Variants in IL20 observed in about 807,000 individuals in gnomAD.
IL20 encodes interleukin 20.
A neutral mutation model predicts 19.2 loss-of-function variants in IL20; 22 were observed. The ratio of observed to expected loss-of-function variants is 1.15; its 90% confidence interval spans 0.82 to 1.64. The LOEUF (loss-of-function observed/expected upper bound fraction) is 1.64. IL20 is among the 40% of genes most tolerant of loss of function. IL20 has a pLI of 0.00. For synonymous variants in IL20, 70 were observed against 76.2 expected, an observed-to-expected ratio of 0.92 and a Z score of 0.43; for missense variants, 215 against 212.8, an observed-to-expected ratio of 1.01 and a Z score of -0.06.
Position 206,865,747 on chromosome 1 carries a change from C to T in IL20, c.-31+61C>T. 2 of 1,467,574 alleles carry T rather than the reference C, an allele frequency of 1.4e-6. No homozygotes were observed. The highest frequency in any genetic ancestry group is 1.8e-6 in the Non-Finnish European group (2 of 1,095,742). 90.9% of individuals were successfully genotyped at this position (1,467,574 alleles called of 1,614,324 possible). On this transcript the variant is annotated intron_variant, in intron 1 of 5. Coordinates refer to ENST00000367098, the MANE Select transcript of IL20 (RefSeq NM_018724.4). This position sits in a 1 kb window ranked among gnomAD's most constrained non-coding sequence, Gnocchi z 4.1. ...AGATAAGGCTGTTCTCTTCCCCTGA[C>T]CCCCCACCCCTCACCCCGTGGACAC...
Position 206,866,008 on chromosome 1 carries a change from T to A in IL20, c.156T>A (p.Ser52Arg). The A allele has an allele frequency of 1.2e-6, 2 of 1,613,992 alleles. No homozygotes were observed. The highest frequency in any genetic ancestry group is 1.7e-6 in the Non-Finnish European group (2 of 1,179,850). ...ATGGATTTTCTGAGATACGGGGCAG[T>A]GTGGTACGTAAGCGGGTATCTACCT... ...IRNGFSEIRG[S>R]VQAKDGNIDI... Residue 52 changes from serine (S) to arginine (R), a missense_variant, in exon 2 of 6, where the codon AGT becomes AGA. Coordinates refer to ENST00000367098, the MANE Select transcript of IL20 (RefSeq NM_018724.4).
chr1:206,867,154 C>A (rs1677575524), intron 4 of IL20, among the ~76,000 whole-genome samples: 1 of 151,850 alleles, frequency 6.6e-6, no homozygotes, highest in Admixed American at 6.6e-5. Context: ...TACTGCCTGC[C>A]TATTTCTAAA....
In IL20 at chr1:206,866,262, TG is replaced by T. The variant is rs1235534960; in HGVS notation, c.160-36del. Reference sequence around the variant, plus strand: ...TATTGAAGACCCTGGCAGCAGGCACTGACTCATCCTTGCTTGTTTTGTCTTC... The same window carrying T: ...TATTGAAGACCCTGGCAGCAGGCACTACTCATCCTTGCTTGTTTTGTCTTC... On this transcript the variant is annotated intron_variant, in intron 2 of 5. Coordinates refer to ENST00000367098, the MANE Select transcript of IL20 (RefSeq NM_018724.4). 3.7e-6 allele frequency: 6 copies of T among 1,602,532 alleles called. No individual in the cohort carries two copies. The African/African-American group carries it at 6.7e-5, about 18-fold the overall frequency.
At chr1:206,866,179 GT>G in intron 2 of IL20, 119 bp from the exon 3 acceptor site, 1 of 1,208,948 alleles carries the variant, frequency 8.3e-7, no homozygotes, top group Non-Finnish European at 1.2e-6. Context: ...TATTTAAAAT[GT>G]TTTGGGAAAG....
intron 2 of IL20, 81 bp downstream of exon 2, chr1:206,866,092 A>C: frequency 7.2e-7 from 1 of 1,394,662 alleles, no homozygotes; most frequent in South Asian, 1.2e-5. Context: ...CAGTACTGGC[A>C]GTGTAATCAT....
At chr1:206,866,681 T>A in intron 4 of IL20, 45 bp downstream of exon 4, 1 of 1,574,390 alleles carries the variant, frequency 6.4e-7, no homozygotes, top group South Asian at 1.1e-5. Flanking sequence ...AGCACACAGC[T>A]TCAATGGCTT....
intron 5 of IL20, among the ~76,000 whole-genome samples, 153 bp downstream of exon 5, chr1:206,867,611 G>A (rs3024520): frequency 4.1e-4 from 62 of 152,106 alleles, no homozygotes; most frequent in African/African-American, 1.5e-3. Context: ...TAACCCAGGG[G>A]ACACCCATCC....
chr1:206,863,752 A>G (rs1677477321), upstream of IL20, among the ~76,000 whole-genome samples: 1 of 152,114 alleles, frequency 6.6e-6, no homozygotes, highest in East Asian at 1.9e-4. Context: ...ACAAATAATC[A>G]TCATGTTTAT....
upstream of IL20, chr1:206,865,366 A>T: frequency 2.8e-6 from 1 of 363,208 alleles, no homozygotes; most frequent in Non-Finnish European, 3.8e-6. This position sits in a 1 kb window ranked among gnomAD's most constrained non-coding sequence, Gnocchi z 4.1. Context: ...TGGCGCAGCC[A>T]CAGCTTCTGT....
At chr1:206,865,511 T>G, upstream of IL20, 1 of 1,055,166 alleles carries the variant, frequency 9.5e-7, no homozygotes, top group Non-Finnish European at 1.1e-6. This position sits in a 1 kb window ranked among gnomAD's most constrained non-coding sequence, Gnocchi z 4.1. Flanking sequence ...GAAATGTCAT[T>G]CTCTATCTAT....
At chr1:206,864,122 A>G (rs1256206899), upstream of IL20, among the ~76,000 whole-genome samples, 2 of 152,058 alleles carry the variant, frequency 1.3e-5, no homozygotes, top group Admixed American at 6.6e-5. Flanking sequence ...CTGCCCCCCA[A>G]CCTCAGTGCT....
chr1:206,863,593 C>A (rs1677473804), upstream of IL20, among the ~76,000 whole-genome samples: 1 of 152,184 alleles, frequency 6.6e-6, no homozygotes, highest in Admixed American at 6.5e-5. Context: ...AAGCAGCAGC[C>A]TTTCCTGAGC....
At chr1:206,864,654 A>G (rs1414289136), upstream of IL20, among the ~76,000 whole-genome samples, 5 of 151,634 alleles carry the variant, frequency 3.3e-5, no homozygotes, top group African/African-American at 9.7e-5. Context: ...AAACAAAGTT[A>G]ACCATTAAGA....
At chr1:206,865,054 A>T (rs1379363878), upstream of IL20, among the ~76,000 whole-genome samples, 8 of 152,298 alleles carry the variant, frequency 5.3e-5, no homozygotes, top group Non-Finnish European at 2.9e-5. The surrounding 1 kb of genome is among the most constrained non-coding windows in gnomAD (Gnocchi z 4.1). Flanking sequence ...TTGCAGGTCC[A>T]GGAAAGCGTG....
chr1:206,863,777 A>C (rs186200959), upstream of IL20, among the ~76,000 whole-genome samples: 18 of 152,340 alleles, frequency 1.2e-4, no homozygotes, highest in East Asian at 3.5e-3. Context: ...GTACTTCAGT[A>C]CCTAGCACAA....
At position 206,866,559 on chromosome 1, in the gene IL20, C is replaced by G. The variant is rs1558631425; in HGVS notation, c.301C>G (p.Pro101Ala). 1 of 1,614,086 alleles carries G rather than the reference C, an allele frequency of 6.2e-7. No individual in the cohort carries two copies. Among genetic ancestry groups the G allele is most frequent in the Non-Finnish European group, 8.5e-7 (1 of 1,179,952 alleles). Residue 101 changes from proline (P) to alanine (A), a missense_variant, in exon 4 of 6, where the codon CCT becomes GCT. Pro to Ala is a conservative substitution (Grantham distance 27). Transcript: ENST00000367098. ...LDRVFKNYQT[P>A]DHYTLRKISS... ...CAGGGTATTTAAAAACTACCAGACC[C>G]CTGACCATTATACTCTCCGGAAGAT...
In IL20 at chr1:206,865,812, T is replaced by C; in HGVS notation, c.-30-11T>C. On this transcript the variant is annotated splice_polypyrimidine_tract_variant and intron_variant, in intron 1 of 5. Transcript: ENST00000367098. This position sits in a 1 kb window ranked among gnomAD's most constrained non-coding sequence, Gnocchi z 4.1. ...ACTCAGTAAGTCATGCTCTCTTCTT[T>C]GAATTCCTAGCTCCTGTGGTCTCCA... is the stretch of plus-strand genomic sequence containing the variant. 6.2e-7 allele frequency: 1 copy of C among 1,609,214 alleles called. No homozygotes were observed. The highest frequency in any genetic ancestry group is 8.5e-7 in the Non-Finnish European group (1 of 1,177,324).
In IL20 at chr1:206,867,383, G is replaced by A. The variant is rs1420416337; in HGVS notation, c.379-1G>A. The stretch of plus-strand genomic sequence containing the variant: ...TCTATTATTCTTTGGGTCCTTTTCA[G>A]CATGCCCACATGACATGCCATTGTG... On this transcript the variant is annotated splice_acceptor_variant, in intron 4 of 5. Coordinates refer to ENST00000367098, the MANE Select transcript of IL20 (RefSeq NM_018724.4). LOFTEE classifies it high-confidence loss of function. 2 of 1,613,186 alleles carry A rather than the reference G, an allele frequency of 1.2e-6. No homozygotes were observed. The highest frequency in any genetic ancestry group is 2.2e-5 in the East Asian group (1 of 44,874).
Position 206,868,761 on chromosome 1 carries a change from C to T in IL20, c.*197C>T, listed in dbSNP as rs1677634139. 1.1e-5 allele frequency: 4 copies of T among 353,976 alleles called. No homozygotes were observed. In the East Asian group the frequency reaches 1.2e-4, roughly 11 times the overall value. 21.9% of individuals were successfully genotyped at this position (353,976 alleles called of 1,614,324 possible). On this transcript the variant is annotated 3_prime_UTR_variant, in exon 6 of 6. Transcript: ENST00000367098. ...ATCCCCAATCTTAATTGAGACCATA[C>T]TTGTATAAGATTTTTGTAATATCTT...
Sources: allele counts gnomAD v4.1 joint callset (sites outside exome capture counted in the v4.1 genomes callset), GRCh38; gene constraint gnomAD v4.1.1; non-coding constraint Gnocchi (gnomAD v3.1); transcripts MANE v1.5; gene names NCBI Gene and HGNC (gene_info 2026-07-23, HGNC 2026-07-21).